EBF2: variants seen among roughly 807,000 people sequenced by gnomAD.
The protein encoded by EBF2 is EBF transcription factor 2.
Under a neutral mutation model 72.8 loss-of-function variants are expected in EBF2, and 21 were observed. The ratio of observed to expected loss-of-function variants is 0.29; its 90% CI spans 0.20 to 0.42. The LOEUF is 0.42. Among genes scored for constraint, EBF2 ranks in the 10% least tolerant of loss-of-function variants. The pLI is 1.00. For missense variants in EBF2, 637 were observed against 731.2 expected (o/e 0.87, Z 1.49); for synonymous variants, 299 against 274.2 (o/e 1.09, Z -0.89).
intron 6 of EBF2, among the ~76,000 whole-genome samples, chr8:25,922,736 C>T (rs1803324547): frequency 1.3e-5 from 2 of 152,144 alleles, no homozygotes; most frequent in African/African-American, 4.8e-5. Flanking sequence ...CCAAATGAGC[C>T]CTCTCAAGCT....
chr8:25,988,953 A>T (rs1029613968), intron 6 of EBF2, among the ~76,000 whole-genome samples: 1 of 152,264 alleles, frequency 6.6e-6, no homozygotes, highest in African/African-American at 2.4e-5. Flanking sequence ...AACTAGCAAC[A>T]TTGTATCATC....
rs1805668771 is a variant in EBF2 at position 26,044,582 on chromosome 8, C to G, written c.131+147G>C. The G allele has an allele frequency of 2.4e-6, 3 of 1,236,698 alleles. No homozygotes were observed. Among genetic ancestry groups the G allele is most frequent in the Non-Finnish European group, 3.4e-6 (3 of 895,096 alleles). 76.6% of individuals were successfully genotyped at this position (1,236,698 alleles called of 1,614,324 possible). A position where few individuals can be genotyped will look rare whatever the true frequency, so the allele number is the denominator to read the frequency against. ...GCCTGACTGCAGCGATCTGCTTGCC[C>G]GAGGGCGAGCCCCAGCGCGCAGGGC... On this transcript the variant is annotated intron_variant, in intron 1 of 15. Coordinates refer to ENST00000520164, the MANE Select transcript of EBF2 (RefSeq NM_022659.4). The surrounding 1 kb of genome is among the most constrained non-coding windows in gnomAD (Gnocchi z 4.1).
At chr8:25,969,912 C>A (rs981772624) in intron 6 of EBF2, among the ~76,000 whole-genome samples, 2 of 152,098 alleles carry the variant, frequency 1.3e-5, no homozygotes, top group African/African-American at 4.8e-5. Flanking sequence ...GTCAAAGGGG[C>A]GATGTGTAAG....
chr8:26,014,081 A>G (rs559649316), intron 6 of EBF2, among the ~76,000 whole-genome samples: 1 of 152,312 alleles, frequency 6.6e-6, no homozygotes, highest in South Asian at 2.1e-4. Flanking sequence ...TGACTTCTAC[A>G]TTTATGAATA....
intron 13 of EBF2, among the ~76,000 whole-genome samples, chr8:25,858,822 G>A (rs750035593): frequency 2.6e-5 from 4 of 151,798 alleles, no homozygotes; most frequent in South Asian, 2.1e-4. Flanking sequence ...CATTGCGCCC[G>A]GCTAATTTTT....
intron 6 of EBF2, among the ~76,000 whole-genome samples, chr8:25,938,538 T>G (rs1252626348): frequency 1.3e-5 from 2 of 152,176 alleles, no homozygotes; most frequent in African/African-American, 4.8e-5. Context: ...GAAACAATCG[T>G]GACTTTGAGC....
At position 25,861,206 on chromosome 8, in the gene EBF2, G is replaced by C. The variant is rs17054490; in HGVS notation, c.1185C>G (p.Ala395=). Residue 395 remains alanine, a synonymous_variant, in exon 13 of 16, where the codon GCC becomes GCG. Transcript: ENST00000520164. ...HNNQDIILKR[A]ADIAEALYSV... ...TGTAGAGAGCTTCAGCAATGTCTGC[G>C]GCTCGCTTCAAAATGATGTCCTACA... 17,416 of 1,613,186 alleles carry C rather than the reference G, an allele frequency of 0.011. 1,394 individuals are homozygous for C. In the African/African-American group the frequency reaches 0.18, roughly 17 times the overall value.
chr8:25,903,197 T>G (rs1177018336), intron 7 of EBF2, among the ~76,000 whole-genome samples: 1 of 151,598 alleles, frequency 6.6e-6, no homozygotes, highest in African/African-American at 2.4e-5. Flanking sequence ...GTTTTTTTTT[T>G]TTTTTTTTTC....
chr8:25,902,317 T>G (rs1308461844), intron 7 of EBF2, among the ~76,000 whole-genome samples: 1 of 152,098 alleles, frequency 6.6e-6, no homozygotes, highest in Admixed American at 6.5e-5. Flanking sequence ...CATACATTTC[T>G]TTTCTTTTCC....
intron 6 of EBF2, among the ~76,000 whole-genome samples, chr8:25,962,766 G>A (rs1804055025): frequency 6.6e-6 from 1 of 152,228 alleles, no homozygotes; most frequent in Non-Finnish European, 1.5e-5. Flanking sequence ...AGAGTCAGAT[G>A]TGACATGGTG....
chr8:25,934,721 G>A (rs931668407), intron 6 of EBF2, among the ~76,000 whole-genome samples: 2 of 152,154 alleles, frequency 1.3e-5, no homozygotes, highest in South Asian at 2.1e-4. Context: ...GAAGTTGAGT[G>A]AGAGTGTGAC....
At chr8:25,943,311 C>CAAAAAA (rs71551840) in intron 6 of EBF2, among the ~76,000 whole-genome samples, 32 of 58,814 alleles carry the variant, frequency 5.4e-4, no homozygotes, top group South Asian at 9.9e-4. Flanking sequence ...TGTCTCTACA[C>CAAAAAA]AAAAAAAAAA....
At chr8:25,941,382 T>C (rs903226656) in intron 6 of EBF2, among the ~76,000 whole-genome samples, 4 of 152,074 alleles carry the variant, frequency 2.6e-5, no homozygotes, top group Admixed American at 6.5e-5. Flanking sequence ...ATTTTTGTAT[T>C]TTTAGTAGAG....
rs1401267195 is a variant in EBF2, at chr8:25,981,959, A to T, written c.551+51126T>A. Among the ~76,000 whole-genome samples, 6 of 152,130 alleles carry T rather than the reference A, an allele frequency of 3.9e-5. No individual in the cohort carries two copies. The East Asian group carries it at 9.6e-4, about 24-fold the overall frequency. ...TTTCACAATTGGATAATAGAATAAA[A>T]TTTTTTGCAAACCAAAGGCTATCTG... On this transcript the variant is annotated intron_variant, in intron 6 of 15. Coordinates refer to ENST00000520164, the MANE Select transcript of EBF2 (RefSeq NM_022659.4).
intron 5 of EBF2, among the ~76,000 whole-genome samples, chr8:26,034,600 T>C (rs768099456): frequency 6.6e-6 from 1 of 152,212 alleles, no homozygotes; most frequent in African/African-American, 2.4e-5. Flanking sequence ...GGGAATTCAC[T>C]CCCTTACCAC....
At chr8:25,910,303 C>A (rs1424406907) in intron 6 of EBF2, among the ~76,000 whole-genome samples, 1 of 152,154 alleles carries the variant, frequency 6.6e-6, no homozygotes, top group Non-Finnish European at 1.5e-5. Flanking sequence ...ATTGCCTTTT[C>A]CCACTTGTGT....
chr8:25,887,989 GAA>G lies in EBF2; in HGVS notation c.752-19_752-18del. On this transcript the variant is annotated intron_variant, in intron 8 of 15. Coordinates refer to ENST00000520164, the MANE Select transcript of EBF2 (RefSeq NM_022659.4). Reference sequence around the variant, plus strand: ...AGGGGGTAGCTAAGAAGACAGGAAAGAAAAAGTCAGGTTTGTTCTTTCATGGG... The same window carrying G: ...AGGGGGTAGCTAAGAAGACAGGAAAGAAAGTCAGGTTTGTTCTTTCATGGG... 2 of 1,593,164 alleles carry G rather than the reference GAA, an allele frequency of 1.3e-6. No individual in the cohort carries two copies. Among genetic ancestry groups the G allele is most frequent in the Non-Finnish European group, 1.7e-6 (2 of 1,171,200 alleles).
chr8:25,875,204 G>T (rs2117277428), intron 10 of EBF2, among the ~76,000 whole-genome samples: 1 of 152,336 alleles, frequency 6.6e-6, no homozygotes, highest in East Asian at 1.9e-4. Flanking sequence ...AAAGAGGGAG[G>T]ACGCTCCCCA....
chr8:25,973,504 G>A (rs905574304), intron 6 of EBF2, among the ~76,000 whole-genome samples: 8 of 152,076 alleles, frequency 5.3e-5, no homozygotes, highest in Admixed American at 2.6e-4. Context: ...TATTTCCAAA[G>A]GTGTGCAAAA....
Sources: allele counts gnomAD v4.1 joint callset (sites outside exome capture counted in the v4.1 genomes callset), GRCh38; gene constraint gnomAD v4.1.1; non-coding constraint Gnocchi (gnomAD v3.1); transcripts MANE v1.5; gene names NCBI Gene and HGNC (gene_info 2026-07-23, HGNC 2026-07-21).